The following UBE2K variants were observed in gnomAD, a reference collection of about 807,000 sequenced individuals.
UBE2K encodes ubiquitin-conjugating enzyme E2 K.
Under a neutral mutation model 30.0 loss-of-function variants are expected in UBE2K, and 6 were observed. The ratio of observed to expected loss-of-function variants is 0.20; its 90% CI spans 0.11 to 0.39. The LOEUF (loss-of-function observed/expected upper bound fraction) is 0.39. Ranked by LOEUF, UBE2K falls within the 10% of genes least tolerant of loss-of-function variation. UBE2K has a pLI of 1.00. For synonymous variants in UBE2K, 86 were observed against 83.7 expected, an observed-to-expected ratio of 1.03 and a Z score of -0.15; for missense variants, 61 against 241.6, an observed-to-expected ratio of 0.25 and a Z score of 4.96.
At chr4:39,768,725 A>G (rs903746064) in intron 4 of UBE2K, among the ~76,000 whole-genome samples, 1 of 152,146 alleles carries the variant, frequency 6.6e-6, no homozygotes, top group Admixed American at 6.5e-5. Context: ...TTTTTCCATA[A>G]TGGTTGTACT....
At chr4:39,714,577 T>G (rs1277939572) in intron 1 of UBE2K, 11 of 120,712 alleles carry the variant, frequency 9.1e-5, no homozygotes, top group African/African-American at 3.5e-4. Context: ...AGACTGAGTC[T>G]CTCTCTGTTG....
In UBE2K at chr4:39,778,762, T is replaced by A. The variant is rs1157531149; in HGVS notation, c.*328T>A. 1 of 190,192 alleles carries A rather than the reference T, an allele frequency of 5.3e-6. No individual in the cohort carries two copies. The highest frequency in any genetic ancestry group is 1.1e-5 in the Non-Finnish European group (1 of 91,204). 11.8% of individuals were successfully genotyped at this position (190,192 alleles called of 1,614,324 possible). A position where few individuals can be genotyped will look rare whatever the true frequency, so the allele number is the denominator to read the frequency against. On this transcript the variant is annotated 3_prime_UTR_variant, in exon 7 of 7. Coordinates refer to ENST00000261427, the MANE Select transcript of UBE2K (RefSeq NM_005339.5). ...ACTAGCAAGAGTTTGCTTCAGGATT[T>A]TGTTGAATAATTAAGATAATATTTT...
chr4:39,775,911 C>T lies in UBE2K; in HGVS notation c.399+978C>T, dbSNP rs75358638. ...TTTGTTAGTTCCCACAATTATTTCC[C>T]TTCTTACTCGTCTTTCTTAAATGTA... On this transcript the variant is annotated intron_variant, in intron 5 of 6. Coordinates refer to ENST00000261427, the MANE Select transcript of UBE2K (RefSeq NM_005339.5). Among the ~76,000 whole-genome samples the T allele has an allele frequency of 7.5e-3, 1,138 of 151,958 alleles. 14 individuals are homozygous for T. Among genetic ancestry groups the T allele is most frequent in the African/African-American group, 0.026 (1,078 of 41,428 alleles).
At chr4:39,716,270 G>C (rs546864945) in intron 1 of UBE2K, among the ~76,000 whole-genome samples, 1 of 152,140 alleles carries the variant, frequency 6.6e-6, no homozygotes, top group Admixed American at 6.6e-5. Context: ...CATGGTGTCT[G>C]TCTGTCTATC....
intron 1 of UBE2K, among the ~76,000 whole-genome samples, chr4:39,725,864 A>G (rs1018506652): frequency 2.0e-5 from 3 of 152,068 alleles, no homozygotes; most frequent in African/African-American, 7.2e-5. Context: ...GTTGGTCTTG[A>G]ACTCCTGGGC....
chr4:39,709,325 A>G (rs138524822), intron 1 of UBE2K, among the ~76,000 whole-genome samples: 1 of 152,166 alleles, frequency 6.6e-6, no homozygotes, highest in East Asian at 1.9e-4. Flanking sequence ...AAAGCTCAAG[A>G]TGAGGGTTAA....
intron 1 of UBE2K, among the ~76,000 whole-genome samples, chr4:39,707,486 C>T (rs1039692789): frequency 1.9e-4 from 29 of 151,582 alleles, no homozygotes; most frequent in African/African-American, 6.1e-4. Context: ...AGGCATGAGC[C>T]GTCGTGCCTG....
At position 39,780,081 on chromosome 4, in the gene UBE2K, T is replaced by C. The variant is rs1460761702; in HGVS notation, c.*1647T>C. The C allele has an allele frequency of 6.6e-6, 1 of 152,176 alleles. No homozygotes were observed. Among genetic ancestry groups the C allele is most frequent in the Non-Finnish European group, 1.5e-5 (1 of 67,994 alleles). 9.4% of individuals were successfully genotyped at this position (152,176 alleles called of 1,614,324 possible). A position where few individuals can be genotyped will look rare whatever the true frequency, so the allele number is the denominator to read the frequency against. ...CAGTAAACTCTTATAGCTGATATTA[T>C]TACATACTAAACACAAGTTGCTGTT... On this transcript the variant is annotated 3_prime_UTR_variant, in exon 7 of 7. Coordinates refer to ENST00000261427, the MANE Select transcript of UBE2K (RefSeq NM_005339.5).
rs1713558992 is a variant in UBE2K, at chr4:39,780,671, A to G, written c.*2237A>G. The G allele has an allele frequency of 6.6e-6, 1 of 152,056 alleles. No individual in the cohort carries two copies. The highest frequency in any genetic ancestry group is 1.5e-5 in the Non-Finnish European group (1 of 67,954). 9.4% of individuals were successfully genotyped at this position (152,056 alleles called of 1,614,324 possible). On this transcript the variant is annotated 3_prime_UTR_variant, in exon 7 of 7. Coordinates refer to ENST00000261427, the MANE Select transcript of UBE2K (RefSeq NM_005339.5). ...TATTATAAAAATTTACCTCATTTACATTTAATGTGATGATCTTTTTTTTCC... is the reference window on the plus strand; with the variant it reads ...TATTATAAAAATTTACCTCATTTACGTTTAATGTGATGATCTTTTTTTTCC...
At chr4:39,730,156 A>G (rs542168132) in intron 1 of UBE2K, among the ~76,000 whole-genome samples, 2 of 152,166 alleles carry the variant, frequency 1.3e-5, no homozygotes, top group Non-Finnish European at 2.9e-5. Flanking sequence ...TTCATTGTAG[A>G]TTGAGTAAAG....
At chr4:39,768,991 A>G (rs1212509276) in intron 4 of UBE2K, among the ~76,000 whole-genome samples, 1 of 151,842 alleles carries the variant, frequency 6.6e-6, no homozygotes, top group African/African-American at 2.4e-5. Flanking sequence ...ACGGCCAGAA[A>G]ATTTTTGTGT....
chr4:39,778,742 C>T lies in UBE2K; in HGVS notation c.*308C>T, dbSNP rs1713425641. On this transcript the variant is annotated 3_prime_UTR_variant, in exon 7 of 7. Transcript: ENST00000261427. ...GTGTTTAGCAGTGTACCAAGACTAG[C>T]AAGAGTTTGCTTCAGGATTTTGTTG... 4.9e-6 allele frequency: 1 copy of T among 204,822 alleles called. No individual in the cohort carries two copies. The highest frequency in any genetic ancestry group is 9.9e-6 in the Non-Finnish European group (1 of 101,090). The allele number at this position is 204,822 out of a possible 1,614,324, so 12.7% of individuals were successfully genotyped here. A position where few individuals can be genotyped will look rare whatever the true frequency, so the allele number is the denominator to read the frequency against.
At chr4:39,776,587 G>T (rs1713296593) in intron 5 of UBE2K, among the ~76,000 whole-genome samples, 1 of 151,858 alleles carries the variant, frequency 6.6e-6, no homozygotes, top group South Asian at 2.1e-4. Context: ...TTTACATATT[G>T]TATCCAATCT....
At chr4:39,752,666 TC>T (rs1438647079) in intron 3 of UBE2K, among the ~76,000 whole-genome samples, 1 of 152,172 alleles carries the variant, frequency 6.6e-6, no homozygotes, top group South Asian at 2.1e-4. Context: ...TGCTGTGAAT[TC>T]CTTGAGTTCT....
intron 3 of UBE2K, among the ~76,000 whole-genome samples, chr4:39,753,877 TAGGG>T (rs1371438473): frequency 2.0e-5 from 3 of 152,050 alleles, no homozygotes; most frequent in African/African-American, 7.2e-5. Context: ...TCCCAGCACT[TAGGG>T]AGGCCGAGGC....
intron 6 of UBE2K, 109 bp from the exon 7 acceptor site, chr4:39,778,251 T>C: frequency 1.8e-6 from 1 of 560,856 alleles, no homozygotes; most frequent in Non-Finnish European, 2.9e-6. Context: ...GTAAATCAAC[T>C]TACAGAAAAG....
chr4:39,700,398 G>GTT (rs376666746), intron 1 of UBE2K, among the ~76,000 whole-genome samples: 1 of 152,210 alleles, frequency 6.6e-6, no homozygotes, highest in African/African-American at 2.4e-5. Flanking sequence ...GTTTTGTTTT[G>GTT]TTTTGTTTAG....
chr4:39,778,686 G>C lies in UBE2K; in HGVS notation c.*252G>C, dbSNP rs1475812531. 2 of 330,380 alleles carry C rather than the reference G, an allele frequency of 6.1e-6. No homozygotes were observed. The highest frequency in any genetic ancestry group is 1.1e-5 in the Non-Finnish European group (2 of 179,636). The allele number at this position is 330,380 out of a possible 1,614,324, so 20.5% of individuals were successfully genotyped here. On this transcript the variant is annotated 3_prime_UTR_variant, in exon 7 of 7. Coordinates refer to ENST00000261427, the MANE Select transcript of UBE2K (RefSeq NM_005339.5). Reference sequence around the variant, plus strand: ...ATAGTGTAAAAATTCCCTGAGCTAAGCTAAAACCATGGAAGAAACATGCTA... The same window carrying C: ...ATAGTGTAAAAATTCCCTGAGCTAACCTAAAACCATGGAAGAAACATGCTA...
intron 4 of UBE2K, among the ~76,000 whole-genome samples, chr4:39,766,440 A>T (rs1311843199): frequency 1.3e-5 from 2 of 150,604 alleles, no homozygotes; most frequent in African/African-American, 2.4e-5. Flanking sequence ...CTTTGGAGAA[A>T]CGTCTGTTCA....
Sources: allele counts gnomAD v4.1 joint callset (sites outside exome capture counted in the v4.1 genomes callset), GRCh38; gene constraint gnomAD v4.1.1; transcripts MANE v1.5; gene names NCBI Gene and HGNC (gene_info 2026-07-23, HGNC 2026-07-21).